COLEC11: variants seen among roughly 807,000 people sequenced by gnomAD.
COLEC11 encodes collectin subfamily member 11.
A neutral mutation model predicts 27.3 loss-of-function variants in COLEC11; 20 were observed. That is an observed-to-expected ratio of 0.73 (90% CI 0.51 to 1.06). The LOEUF (loss-of-function observed/expected upper bound fraction) is 1.06. COLEC11 is among the 50% of genes least tolerant of loss of function. COLEC11 has a pLI of 0.00. For missense variants in COLEC11, 310 were observed against 383.0 expected, an observed-to-expected ratio of 0.81 and a Z score of 1.59; for synonymous variants, 163 against 154.7, an observed-to-expected ratio of 1.05 and a Z score of -0.40.
At chr2:3,637,454 T>C (rs1665506753) in intron 3 of COLEC11, 79 bp from the exon 4 acceptor site, 1 of 1,084,362 alleles carries the variant, frequency 9.2e-7, no homozygotes, top group Admixed American at 1.7e-5. Flanking sequence ...GCGGTCGGGT[T>C]ATCCGTGCAC....
intron 1 of COLEC11, among the ~76,000 whole-genome samples, chr2:3,597,147 G>C (rs1164546570): frequency 2.6e-5 from 4 of 151,950 alleles, no homozygotes; most frequent in Admixed American, 2.0e-4. Context: ...AGAAATCCCA[G>C]CCTGTGCTGC....
chr2:3,627,600 C>T (rs922665958), intron 3 of COLEC11, among the ~76,000 whole-genome samples: 2 of 141,432 alleles, frequency 1.4e-5, no homozygotes, highest in East Asian at 2.2e-4. Context: ...CTGGGCACAA[C>T]GATGCTGGGC....
Position 3,604,159 on chromosome 2 carries a change from T to C in COLEC11, c.-26-156T>C, listed in dbSNP as rs370047579. On this transcript the variant is annotated intron_variant, in intron 1 of 6. Transcript: ENST00000349077. The stretch of plus-strand genomic sequence containing the variant: ...AAGCTTCTCAGTGGAGGCTCATGAT[T>C]GGTGCTTGAGTGAGTGAGGAGCACC... 4.7e-4 allele frequency: 350 copies of C among 747,046 alleles called. 1 individual carries two copies. In the East Asian group the frequency reaches 7.7e-3, roughly 17 times the overall value. The allele number at this position is 747,046 out of a possible 1,614,324, so 46.3% of individuals were successfully genotyped here. A position where few individuals can be genotyped will look rare whatever the true frequency, so the allele number is the denominator to read the frequency against.
Position 3,602,551 on chromosome 2 carries a change from C to A in COLEC11, c.-26-1764C>A, listed in dbSNP as rs987702783. 6.6e-5 allele frequency among the ~76,000 whole-genome samples: 10 copies of A among 152,206 alleles called. No individual in the cohort carries two copies. Among genetic ancestry groups the A allele is most frequent in the African/African-American group, 2.4e-4 (10 of 41,448 alleles). ...CCACCCACACGTGGGGTCCAGCTGC[C>A]ATCCTCGCCCGCTGTGCTGTTGTGG... On this transcript the variant is annotated intron_variant, in intron 1 of 6. Transcript: ENST00000349077. This position sits in a 1 kb window ranked among gnomAD's most constrained non-coding sequence, Gnocchi z 6.2.
At chr2:3,601,202 G>A (rs1467407548) in intron 1 of COLEC11, among the ~76,000 whole-genome samples, 1 of 152,218 alleles carries the variant, frequency 6.6e-6, no homozygotes, top group Non-Finnish European at 1.5e-5. Flanking sequence ...GAGTAGGGTC[G>A]CCGTGGACAG....
chr2:3,595,254 G>T (rs1416629205), intron 1 of COLEC11, 86 bp downstream of exon 1: 1 of 195,940 alleles, frequency 5.1e-6, no homozygotes, highest in African/African-American at 2.4e-5. Context: ...TCCAAACTGG[G>T]CGCGAGGTGG....
At chr2:3,617,667 C>G (rs747593486) in intron 3 of COLEC11, 6 of 1,611,772 alleles carry the variant, frequency 3.7e-6, no homozygotes, top group African/African-American at 2.7e-5. Flanking sequence ...TCAGCCATAT[C>G]GGGTTTGTCA....
chr2:3,612,419 AC>A (rs1663281230), intron 2 of COLEC11, among the ~76,000 whole-genome samples: 1 of 152,136 alleles, frequency 6.6e-6, no homozygotes, highest in Admixed American at 6.5e-5. Flanking sequence ...CTCCCGGAGA[AC>A]CAGGTGAGAA....
At chr2:3,615,037 T>G in intron 3 of COLEC11, among the ~76,000 whole-genome samples, 1 of 152,104 alleles carries the variant, frequency 6.6e-6, no homozygotes, top group Non-Finnish European at 1.5e-5. Flanking sequence ...AATATTTTCA[T>G]GTATTTCAGT....
rs1022939179 is a variant in COLEC11, at chr2:3,602,344, C to G, written c.-26-1971C>G. ...TGTCTCAGACTCGGAAAGTTGAACC[C>G]GAGCCCCTGACTTCACTTCACCTCC... is the stretch of plus-strand genomic sequence containing the variant. On this transcript the variant is annotated intron_variant, in intron 1 of 6. Transcript: ENST00000349077. This position sits in a 1 kb window ranked among gnomAD's most constrained non-coding sequence, Gnocchi z 6.2. Among the ~76,000 whole-genome samples, 1 of 152,108 alleles carries G rather than the reference C, an allele frequency of 6.6e-6. No homozygotes were observed. Among genetic ancestry groups the G allele is most frequent in the African/African-American group, 2.4e-5 (1 of 41,392 alleles).
At chr2:3,605,085 T>C in intron 2 of COLEC11, 1 of 471,014 alleles carries the variant, frequency 2.1e-6, no homozygotes, top group Non-Finnish European at 4.4e-6. Flanking sequence ...AGCAGCATCT[T>C]CAAGTAAGAA....
At chr2:3,640,232 A>T in intron 4 of COLEC11, 46 bp from the exon 5 acceptor site, 3 of 1,153,750 alleles carry the variant, frequency 2.6e-6, no homozygotes, top group Non-Finnish European at 3.9e-6. Context: ...CACATAGAAC[A>T]TGTCCATCTC....
intron 3 of COLEC11, among the ~76,000 whole-genome samples, chr2:3,625,713 A>G (rs1275975416): frequency 1.5e-5 from 2 of 135,830 alleles, no homozygotes; most frequent in Non-Finnish European, 3.0e-5. Context: ...GCTCACTACA[A>G]CCTCTGCCTC....
rs1280064732 is a variant in COLEC11, at chr2:3,637,509, C to T, written c.203-24C>T. ...ACGGTGTCACCTGTGCATCGACCAA[C>T]TTTGCTCTTATTGTTTTCTACAGGA... On this transcript the variant is annotated intron_variant, in intron 3 of 6. Coordinates refer to ENST00000349077, the MANE Select transcript of COLEC11 (RefSeq NM_024027.5). 5 of 1,609,978 alleles carry T rather than the reference C, an allele frequency of 3.1e-6. No homozygotes were observed. In the Admixed American group the frequency reaches 6.7e-5, roughly 21 times the overall value.
At chr2:3,636,505 T>C (rs940288025) in intron 3 of COLEC11, among the ~76,000 whole-genome samples, 1 of 152,226 alleles carries the variant, frequency 6.6e-6, no homozygotes, top group African/African-American at 2.4e-5. Flanking sequence ...ATTGCCCACA[T>C]TGAATTTCCC....
chr2:3,612,434 G>C (rs377478934), intron 2 of COLEC11, among the ~76,000 whole-genome samples: 1 of 152,190 alleles, frequency 6.6e-6, no homozygotes, highest in Admixed American at 6.5e-5. Context: ...GTGAGAAGGC[G>C]GACCCTGGAC....
chr2:3,609,875 G>A (rs1663054929), intron 2 of COLEC11, among the ~76,000 whole-genome samples: 1 of 152,180 alleles, frequency 6.6e-6, no homozygotes, highest in African/African-American at 2.4e-5. Flanking sequence ...TGTTGCCCAG[G>A]CTGGTCTCAA....
intron 2 of COLEC11, among the ~76,000 whole-genome samples, chr2:3,612,194 G>A (rs189200396): frequency 3.9e-5 from 6 of 151,984 alleles, no homozygotes; most frequent in East Asian, 2.0e-4. Flanking sequence ...ACACATACAC[G>A]TGCACACCTA....
intron 3 of COLEC11, among the ~76,000 whole-genome samples, chr2:3,620,714 C>A (rs1223574324): frequency 6.6e-6 from 1 of 151,986 alleles, no homozygotes; most frequent in Non-Finnish European, 1.5e-5. Context: ...TATCTTTTTG[C>A]TGTAGCCCAT....
Sources: gnomAD v4.1 joint callset for allele counts (sites outside exome capture counted in the v4.1 genomes callset) on GRCh38, gnomAD v4.1.1 for gene constraint, Gnocchi (gnomAD v3.1) non-coding constraint, MANE v1.5 for transcripts, NCBI Gene and HGNC (gene_info 2026-07-23, HGNC 2026-07-21) for gene names.